Variants in SUFU observed in about 807,000 individuals in gnomAD.
SUFU encodes SUFU negative regulator of hedgehog signaling.
Under a neutral mutation model 58.9 loss-of-function variants are expected in SUFU, and 7 were observed. The observed-to-expected ratio is 0.12, with a 90% CI of 0.07 to 0.22. The LOEUF is 0.22. Among genes scored for constraint, SUFU ranks in the 10% least tolerant of loss-of-function variants. The pLI is 1.00. For missense variants in SUFU, 451 were observed against 641.3 expected (o/e 0.70, Z 3.20); for synonymous variants, 232 against 254.8 (o/e 0.91, Z 0.85).
chr10:102,617,406 C>T lies in SUFU; in HGVS notation c.1274C>T (p.Ala425Val), dbSNP rs1427876079. The change falls in exon 10 of 12, where the codon GCG becomes GTG. Residue 425 changes from alanine (A) to valine (V), a missense_variant. Physicochemically the swap from Ala to Val is moderately conservative, Grantham distance 64. Transcript: ENST00000369902. This position sits in a 1 kb window ranked among gnomAD's most constrained non-coding sequence, Gnocchi z 4.4. ...GAFATEEHPY[A>V]AHGPWLQILL... ...TTTGCCACTGAGGAGCATCCTTACG[C>T]GGCTCATGGACCCTGGTTACAAGTG... 3.1e-6 allele frequency: 5 copies of T among 1,614,246 alleles called. No homozygotes were observed. Among genetic ancestry groups the T allele is most frequent in the African/African-American group, 1.3e-5 (1 of 75,062 alleles).
intron 2 of SUFU, among the ~76,000 whole-genome samples, chr10:102,521,671 C>T (rs1270176217): frequency 6.6e-6 from 1 of 152,178 alleles, no homozygotes; most frequent in Non-Finnish European, 1.5e-5. Flanking sequence ...TTGGGCTTAA[C>T]CTTGCCTTTG....
At position 102,599,550 on chromosome 10, in the gene SUFU, T is replaced by C. The variant is rs1216584462; in HGVS notation, c.1022+6T>C. 1 of 1,612,904 alleles carries C rather than the reference T, an allele frequency of 6.2e-7. No individual in the cohort carries two copies. Among genetic ancestry groups the C allele is most frequent in the Non-Finnish European group, 8.5e-7 (1 of 1,179,036 alleles). On this transcript the variant is annotated splice_donor_region_variant and intron_variant, in intron 8 of 11. Coordinates refer to ENST00000369902, the MANE Select transcript of SUFU (RefSeq NM_016169.4). The stretch of plus-strand genomic sequence containing the variant: ...CTCGCCCACGACCGGGCCCCGTAAG[T>C]TCCCCAGTGTCCCTGGGCTGGAACA...
intron 2 of SUFU, among the ~76,000 whole-genome samples, chr10:102,525,002 G>A (rs1165227139): frequency 6.6e-6 from 1 of 152,246 alleles, no homozygotes; most frequent in African/African-American, 2.4e-5. Flanking sequence ...ATTCCCATAG[G>A]AGAGGAGACA....
At chr10:102,560,684 T>C (rs1432061928) in intron 3 of SUFU, among the ~76,000 whole-genome samples, 1 of 152,252 alleles carries the variant, frequency 6.6e-6, no homozygotes, top group Non-Finnish European at 1.5e-5. Context: ...GGATGTTCTT[T>C]TTAACGCGAC....
intron 2 of SUFU, among the ~76,000 whole-genome samples, chr10:102,544,161 G>C (rs963145811): frequency 2.0e-5 from 3 of 152,088 alleles, no homozygotes; most frequent in African/African-American, 7.2e-5. Context: ...CACTTGTTCT[G>C]TGATTTATGG....
chr10:102,561,154 T>C (rs991392391), intron 3 of SUFU, among the ~76,000 whole-genome samples: 1 of 152,154 alleles, frequency 6.6e-6, no homozygotes, highest in Non-Finnish European at 1.5e-5. Context: ...TACCGGAGTA[T>C]TTCTTCAGGA....
intron 3 of SUFU, among the ~76,000 whole-genome samples, chr10:102,561,413 A>G (rs1285477663): frequency 6.6e-6 from 1 of 152,156 alleles, no homozygotes; most frequent in Admixed American, 6.6e-5. Flanking sequence ...TCTGTCACCC[A>G]GGCTGGAGTG....
Position 102,592,735 on chromosome 10 carries a change from G to T in SUFU, c.597+11G>T. On this transcript the variant is annotated intron_variant, in intron 4 of 11. Transcript: ENST00000369902. ...GTTACCTTCCTCCAGGTGAGGCACA[G>T]GTTGGACGCTGGCTCAAGCCTTCCT... The T allele has an allele frequency of 6.2e-7, 1 of 1,613,780 alleles. No individual in the cohort carries two copies. The highest frequency in any genetic ancestry group is 8.5e-7 in the Non-Finnish European group (1 of 1,180,042).
At chr10:102,554,833 C>T in intron 3 of SUFU, among the ~76,000 whole-genome samples, 1 of 152,194 alleles carries the variant, frequency 6.6e-6, no homozygotes, top group Non-Finnish European at 1.5e-5. Flanking sequence ...TCCATTTGCT[C>T]AGCTATAAAG....
At chr10:102,610,746 T>C (rs2063614877) in intron 8 of SUFU, among the ~76,000 whole-genome samples, 1 of 152,140 alleles carries the variant, frequency 6.6e-6, no homozygotes, top group African/African-American at 2.4e-5. Context: ...GGAATGCCAA[T>C]ATGATGGATG....
chr10:102,559,095 G>A (rs1590028485), intron 3 of SUFU, among the ~76,000 whole-genome samples: 1 of 152,166 alleles, frequency 6.6e-6, no homozygotes, highest in South Asian at 2.1e-4. Flanking sequence ...TCCAGAGATG[G>A]CTGCCATGAT....
chr10:102,612,601 C>G (rs929124795), intron 8 of SUFU, among the ~76,000 whole-genome samples: 2 of 152,144 alleles, frequency 1.3e-5, no homozygotes, highest in African/African-American at 2.4e-5. Context: ...CCTCCCATTG[C>G]TATTCATGAG....
rs1590095839 is a variant in SUFU at position 102,630,788 on chromosome 10, G to A, written c.*633G>A. On this transcript the variant is annotated 3_prime_UTR_variant, in exon 12 of 12. Coordinates refer to ENST00000369902, the MANE Select transcript of SUFU (RefSeq NM_016169.4). ...CATTCTCTGACAGAGGCCTAGGGCT[G>A]TATCTCTCCCTGGGCTGCCACCAGA... is the stretch of plus-strand genomic sequence containing the variant. 2 of 241,766 alleles carry A rather than the reference G, an allele frequency of 8.3e-6. No individual in the cohort carries two copies. Among genetic ancestry groups the A allele is most frequent in the South Asian group, 3.1e-4 (2 of 6,418 alleles). The allele number at this position is 241,766 out of a possible 1,614,324, so 15.0% of individuals were successfully genotyped here.
At chr10:102,627,378 G>A in intron 11 of SUFU, 135 bp downstream of exon 11, 1 of 855,124 alleles carries the variant, frequency 1.2e-6, no homozygotes, top group Non-Finnish European at 2.0e-6. Context: ...CTGTGTGGCT[G>A]CATCTGTGGG....
chr10:102,509,300 A>G lies in SUFU; in HGVS notation c.314A>G (p.His105Arg). 3 of 1,614,060 alleles carry G rather than the reference A, an allele frequency of 1.9e-6. No homozygotes were observed. The highest frequency in any genetic ancestry group is 1.1e-5 in the South Asian group (1 of 91,084). Residue 105 changes from histidine to arginine, a missense_variant, in exon 2 of 12, where the codon CAT (histidine) becomes CGT (arginine). His to Arg is a conservative substitution (Grantham distance 29). Coordinates refer to ENST00000369902, the MANE Select transcript of SUFU (RefSeq NM_016169.4). ...GATCTCTATGGTGACAACAGAGTCC[A>G]TGAGTGAGTATATGCCACCTGTTCT... is the stretch of plus-strand genomic sequence containing the variant. ...LSDLYGDNRVHEFTGTDGPSG... is the reference protein window; with the variant it reads ...LSDLYGDNRVREFTGTDGPSG...
chr10:102,599,351 C>G (rs1304672648), intron 7 of SUFU, 82 bp from the exon 8 acceptor site: 7 of 1,093,874 alleles, frequency 6.4e-6, no homozygotes, highest in Non-Finnish European at 8.5e-6. Context: ...CTTAGCACCT[C>G]TGCTGAGCCA....
intron 2 of SUFU, among the ~76,000 whole-genome samples, chr10:102,538,364 A>G (rs2062765092): frequency 6.6e-6 from 1 of 151,700 alleles, no homozygotes; most frequent in Non-Finnish European, 1.5e-5. Flanking sequence ...TTTTTTCCAA[A>G]TGTAAGATTA....
At chr10:102,622,788 C>T (rs1024326309) in intron 10 of SUFU, among the ~76,000 whole-genome samples, 5 of 150,328 alleles carry the variant, frequency 3.3e-5, no homozygotes, top group Non-Finnish European at 7.4e-5. Flanking sequence ...TACTGCACTC[C>T]AGCCTGGGTG....
intron 2 of SUFU, among the ~76,000 whole-genome samples, chr10:102,518,687 C>T (rs1350333049): frequency 6.6e-6 from 1 of 152,068 alleles, no homozygotes; most frequent in Non-Finnish European, 1.5e-5. Flanking sequence ...GCTGGTACTG[C>T]AGGCATGCAC....
Sources: allele counts gnomAD v4.1 joint callset (sites outside exome capture counted in the v4.1 genomes callset), GRCh38; gene constraint gnomAD v4.1.1; non-coding constraint Gnocchi (gnomAD v3.1); transcripts MANE v1.5; gene names NCBI Gene and HGNC (gene_info 2026-07-23, HGNC 2026-07-21).